Variants in PLEKHA3 observed in about 807,000 individuals in gnomAD.
The protein encoded by PLEKHA3 is pleckstrin homology domain-containing family A member 3.
PLEKHA3 carries 19 observed loss-of-function variants against 39.2 expected under a neutral mutation model. The ratio of observed to expected loss-of-function variants is 0.48; its 90% CI spans 0.34 to 0.71. The LOEUF (loss-of-function observed/expected upper bound fraction) is 0.71, where lower values mean the gene tolerates loss of function less well. Among genes scored for constraint, PLEKHA3 ranks in the 30% least tolerant of loss-of-function variants. The pLI, the probability that PLEKHA3 is intolerant of heterozygous loss-of-function variation, is 0.01. For synonymous variants in PLEKHA3, 97 were observed against 118.6 expected (o/e 0.82, Z 1.18); for missense variants, 253 against 359.5 (o/e 0.70, Z 2.40).
rs71023445 is a variant in PLEKHA3, at chr2:178,489,451, C to CTTTT, written c.158-1187_158-1184dup. 8.2e-3 allele frequency among the ~76,000 whole-genome samples: 674 copies of CTTTT among 82,298 alleles called. 7 individuals are homozygous for CTTTT. The highest frequency in any genetic ancestry group is 0.019 in the East Asian group (46 of 2,424). 54.0% of individuals were successfully genotyped at this position (82,298 alleles called of 152,430 possible). A position where few individuals can be genotyped will look rare whatever the true frequency, so the allele number is the denominator to read the frequency against. On this transcript the variant is annotated intron_variant, in intron 2 of 7. Coordinates refer to ENST00000234453, the MANE Select transcript of PLEKHA3 (RefSeq NM_019091.4). Reference sequence around the variant, plus strand: ...GAATTTGTTTTCTTTTCTTTTCCTTCTTTTTTTTTTTTTTTTTTTTTTTTG... The same window carrying CTTTT: ...GAATTTGTTTTCTTTTCTTTTCCTTCTTTTTTTTTTTTTTTTTTTTTTTTTTTTG...
At position 178,480,783 on chromosome 2, in the gene PLEKHA3, C is replaced by G. The variant is rs922100348; in HGVS notation, c.-87C>G. The G allele has an allele frequency of 8.4e-7, 1 of 1,189,136 alleles. No homozygotes were observed. Among genetic ancestry groups the G allele is most frequent in the Non-Finnish European group, 1.1e-6 (1 of 924,884 alleles). 73.7% of individuals were successfully genotyped at this position (1,189,136 alleles called of 1,614,324 possible). A position where few individuals can be genotyped will look rare whatever the true frequency, so the allele number is the denominator to read the frequency against. ...GCCGGCGGAGGGGGCCCGGGCGGGC[C>G]GGGAGGGGCTGCCCCAGGCCCTGCG... On this transcript the variant is annotated 5_prime_UTR_variant, in exon 1 of 8. Transcript: ENST00000234453.
intron 7 of PLEKHA3, among the ~76,000 whole-genome samples, chr2:178,502,828 G>A (rs1050107723): frequency 6.6e-5 from 10 of 151,150 alleles, no homozygotes; most frequent in South Asian, 2.1e-4. Context: ...ACACACACGC[G>A]CATACATATA....
intron 1 of PLEKHA3, among the ~76,000 whole-genome samples, chr2:178,484,977 A>T (rs1022189126): frequency 6.6e-6 from 1 of 152,262 alleles, no homozygotes; most frequent in Admixed American, 6.5e-5. Flanking sequence ...AGAGGGGGTC[A>T]TATGGGGAAT....
chr2:178,485,562 A>T, intron 1 of PLEKHA3, 79 bp from the exon 2 acceptor site: 1 of 817,782 alleles, frequency 1.2e-6, no homozygotes, highest in Non-Finnish European at 2.1e-6. Flanking sequence ...TGTGGATGGC[A>T]GGTTTTGAAA....
intron 7 of PLEKHA3, among the ~76,000 whole-genome samples, chr2:178,502,171 A>T (rs778939428): frequency 6.6e-6 from 1 of 151,780 alleles, no homozygotes; most frequent in Non-Finnish European, 1.5e-5. Context: ...TAGTTCATAC[A>T]TATGGCAATT....
chr2:178,503,659 G>A (rs1171138647), intron 7 of PLEKHA3, 101 bp from the exon 8 acceptor site: 1 of 1,253,910 alleles, frequency 8.0e-7, no homozygotes, highest in Non-Finnish European at 1.1e-6. Context: ...AGAAGCTAAA[G>A]GAATTTCATG....
chr2:178,490,885 C>T, intron 3 of PLEKHA3, 71 bp downstream of exon 3: 1 of 1,249,780 alleles, frequency 8.0e-7, no homozygotes, highest in Non-Finnish European at 1.1e-6. Context: ...CTAAATTAGC[C>T]TGTCCACTTT....
At chr2:178,503,466 A>G (rs1327086889) in intron 7 of PLEKHA3, among the ~76,000 whole-genome samples, 3 of 151,990 alleles carry the variant, frequency 2.0e-5, no homozygotes, top group Non-Finnish European at 4.4e-5. Context: ...TTCAGCAAAT[A>G]TTTATTGACT....
chr2:178,493,901 G>A lies in PLEKHA3; in HGVS notation c.362G>A (p.Arg121His), dbSNP rs756364278. The A allele has an allele frequency of 2.5e-6, 4 of 1,613,804 alleles. No homozygotes were observed. Among genetic ancestry groups the A allele is most frequent in the Non-Finnish European group, 3.4e-6 (4 of 1,179,848 alleles). ...ESLKTKMSEL[R>H]LYCDLLMQQV... is the part of the protein sequence containing the mutation. ...CTGAAAACCAAAATGTCTGAACTTC[G>A]CCTCTACTGTGACCTCTTAATGCAG... Residue 121 changes from arginine (R) to histidine (H), a missense_variant, in exon 4 of 8, where the codon CGC (arginine) becomes CAC (histidine). By Grantham distance (29) the Arg-to-His change is conservative. Around this residue, in one of 2 missense-constraint regions of PLEKHA3, gnomAD observed 126 missense variants for 222.7 expected, o/e 0.57. Transcript: ENST00000234453.
chr2:178,481,358 T>G (rs191903968), intron 1 of PLEKHA3, among the ~76,000 whole-genome samples: 1 of 152,350 alleles, frequency 6.6e-6, no homozygotes, highest in Admixed American at 6.5e-5. Flanking sequence ...CCTTAACATT[T>G]TATTTAAAAC....
At position 178,508,061 on chromosome 2, in the gene PLEKHA3, GT is replaced by G. The variant is rs1685631907; in HGVS notation, c.*4175del. ...CTGCTTCAGTTCTGGGTGTGTGTGT[GT>G]GTGTGTGTGTGTGTGTGTGTGTGTG... On this transcript the variant is annotated 3_prime_UTR_variant, in exon 8 of 8. Coordinates refer to ENST00000234453, the MANE Select transcript of PLEKHA3 (RefSeq NM_019091.4). 1 of 151,626 alleles carries G rather than the reference GT, an allele frequency of 6.6e-6. No homozygotes were observed. The highest frequency in any genetic ancestry group is 6.6e-5 in the Admixed American group (1 of 15,048). 9.4% of individuals were successfully genotyped at this position (151,626 alleles called of 1,614,324 possible).
In PLEKHA3 at chr2:178,505,676, A is replaced by G. The variant is rs557093837; in HGVS notation, c.*1789A>G. On this transcript the variant is annotated 3_prime_UTR_variant, in exon 8 of 8. Coordinates refer to ENST00000234453, the MANE Select transcript of PLEKHA3 (RefSeq NM_019091.4). ...TGAGTTTTTTTGCAGTAATAGGTTTATAAGGAAAACACCGTAACAAGCTTT... is the reference window on the plus strand; with the variant it reads ...TGAGTTTTTTTGCAGTAATAGGTTTGTAAGGAAAACACCGTAACAAGCTTT... The G allele has an allele frequency of 5.9e-5, 9 of 151,618 alleles. No individual in the cohort carries two copies. The East Asian group carries it at 1.7e-3, about 29-fold the overall frequency. 9.4% of individuals were successfully genotyped at this position (151,618 alleles called of 1,614,324 possible).
Position 178,512,467 on chromosome 2 carries a change from TA to T in PLEKHA3, c.*8582del, listed in dbSNP as rs1481681878. ...CAAGGTGGGAGGAGGGTGCTGTTGA[TA>T]ATCTCTGTGCTTTTGCAAGTTTGGC... On this transcript the variant is annotated 3_prime_UTR_variant, in exon 8 of 8. Coordinates refer to ENST00000234453, the MANE Select transcript of PLEKHA3 (RefSeq NM_019091.4). The T allele has an allele frequency of 2.0e-5, 3 of 152,258 alleles. No individual in the cohort carries two copies. The highest frequency in any genetic ancestry group is 7.2e-5 in the African/African-American group (3 of 41,470). The allele number at this position is 152,258 out of a possible 1,614,324, so 9.4% of individuals were successfully genotyped here.
At chr2:178,485,494 TA>T in intron 1 of PLEKHA3, 146 bp from the exon 2 acceptor site, 1 of 638,438 alleles carries the variant, frequency 1.6e-6, no homozygotes, top group East Asian at 2.6e-5. Flanking sequence ...ACATTTTTGG[TA>T]AGGCTTGGTG....
chr2:178,495,972 G>A (rs1685437740), intron 5 of PLEKHA3, among the ~76,000 whole-genome samples: 1 of 152,108 alleles, frequency 6.6e-6, no homozygotes, highest in Non-Finnish European at 1.5e-5. Flanking sequence ...AAGTTGGGGA[G>A]CTCTATTCTG....
Position 178,501,161 on chromosome 2 carries a change from C to T in PLEKHA3, c.760C>T (p.Leu254Phe). 6.2e-7 allele frequency: 1 copy of T among 1,611,292 alleles called. No individual in the cohort carries two copies. Among genetic ancestry groups the T allele is most frequent in the African/African-American group, 1.3e-5 (1 of 74,892 alleles). ...SDTDSCSDIP[L>F]EDPDRPVHCS... ...TACAGATTCTTGTAGTGATATTCCT[C>T]TTGAAGACCCAGATAGTAAGTGACA... Residue 254 changes from leucine to phenylalanine, a missense_variant, in exon 7 of 8, where the codon CTT becomes TTT. Leu to Phe is a conservative substitution (Grantham distance 22). Transcript: ENST00000234453.
rs2154128061 is a variant in PLEKHA3, at chr2:178,503,963, T to C, written c.*76T>C. The C allele has an allele frequency of 2.3e-5, 36 of 1,536,918 alleles. 4 individuals carry two copies. In the South Asian group the frequency reaches 3.8e-4, roughly 16 times the overall value. ...GTAATTAAACTATTGTTATAGGGAG[T>C]AGTTTTTTCCCTTAGGACTCTGCAC... On this transcript the variant is annotated 3_prime_UTR_variant, in exon 8 of 8. Transcript: ENST00000234453.
chr2:178,498,930 A>G (rs554452052), intron 5 of PLEKHA3, among the ~76,000 whole-genome samples: 45 of 152,206 alleles, frequency 3.0e-4, no homozygotes, highest in Admixed American at 7.2e-4. Flanking sequence ...ACACACATAT[A>G]TATGTATTAT....
chr2:178,481,842 T>TG (rs5836653), intron 1 of PLEKHA3: 23,284 of 118,422 alleles, frequency 0.2, 2,877 homozygotes, highest in Non-Finnish European at 0.29. Flanking sequence ...ACAGATTTTT[T>TG]GGGGGGGGGG....
Sources: allele counts gnomAD v4.1 joint callset (sites outside exome capture counted in the v4.1 genomes callset), GRCh38; gene constraint gnomAD v4.1.1; regional missense constraint gnomAD v4.1.1; transcripts MANE v1.5; gene names NCBI Gene and HGNC (gene_info 2026-07-23, HGNC 2026-07-21).